Variants in ROBO2 observed in about 807,000 individuals in gnomAD.
ROBO2 encodes the protein roundabout guidance receptor 2, also known as roundabout homolog 2.
A neutral mutation model predicts 160.8 loss-of-function variants in ROBO2; 53 were observed. The observed-to-expected ratio is 0.33, with a 90% confidence interval of 0.26 to 0.41. ROBO2 has a LOEUF of 0.41. ROBO2 is among the 10% of genes least tolerant of loss of function. ROBO2 has a pLI of 1.00. For missense variants in ROBO2, 1,577 were observed against 1,722.4 expected (o/e 0.92, Z 1.49); for synonymous variants, 664 against 611.7 (o/e 1.09, Z -1.26).
At chr3:77,220,877 A>G (rs1232306358) in intron 2 of ROBO2, among the ~76,000 whole-genome samples, 2 of 152,194 alleles carry the variant, frequency 1.3e-5, no homozygotes, top group East Asian at 3.8e-4. Flanking sequence ...GCTATGTTGT[A>G]TAATAGTAGA....
At chr3:76,330,219 G>T (rs2073376705) in intron 2 of ROBO2, among the ~76,000 whole-genome samples, 2 of 152,234 alleles carry the variant, frequency 1.3e-5, no homozygotes, top group South Asian at 4.2e-4. Flanking sequence ...GATTAGCAGG[G>T]GAGATAGAGA....
At chr3:76,772,415 C>T (rs2061962639) in intron 2 of ROBO2, among the ~76,000 whole-genome samples, 1 of 148,390 alleles carries the variant, frequency 6.7e-6, no homozygotes, top group Non-Finnish European at 1.5e-5. Context: ...TATTTATATG[C>T]ACACACACAT....
At chr3:77,389,685 T>C (rs1309929280) in intron 2 of ROBO2, among the ~76,000 whole-genome samples, 1 of 152,168 alleles carries the variant, frequency 6.6e-6, no homozygotes, top group East Asian at 1.9e-4. Flanking sequence ...ATGTCTTTTC[T>C]TCATGTCTTT....
intron 2 of ROBO2, among the ~76,000 whole-genome samples, chr3:77,026,621 T>A (rs997626661): frequency 3.9e-5 from 6 of 152,208 alleles, no homozygotes; most frequent in Admixed American, 6.5e-5. Context: ...CTTCGAAATA[T>A]CTTCTAGCTG....
intron 2 of ROBO2, among the ~76,000 whole-genome samples, chr3:76,878,124 T>C (rs777943532): frequency 1.3e-5 from 2 of 152,154 alleles, no homozygotes; most frequent in Admixed American, 6.6e-5. Flanking sequence ...GTCCATAGCA[T>C]TCCACCCTAT....
At chr3:77,012,316 T>C (rs2061971436) in intron 2 of ROBO2, among the ~76,000 whole-genome samples, 1 of 152,190 alleles carries the variant, frequency 6.6e-6, no homozygotes, top group African/African-American at 2.4e-5. Flanking sequence ...CACGTTTGTC[T>C]TTGGATCTTA....
intron 2 of ROBO2, among the ~76,000 whole-genome samples, chr3:77,202,921 G>T (rs2083051772): frequency 6.6e-6 from 1 of 152,182 alleles, no homozygotes; most frequent in African/African-American, 2.4e-5. Flanking sequence ...CAGAGCTGTG[G>T]TTCCGAACTT....
intron 2 of ROBO2, among the ~76,000 whole-genome samples, chr3:76,551,445 A>C (rs2083414775): frequency 6.6e-6 from 1 of 152,006 alleles, no homozygotes; most frequent in Non-Finnish European, 1.5e-5. Flanking sequence ...CACGTACCTC[A>C]TTCATCCTGG....
chr3:77,383,719 A>G (rs374529618), intron 2 of ROBO2, among the ~76,000 whole-genome samples: 28 of 151,120 alleles, frequency 1.9e-4, no homozygotes, highest in East Asian at 1.2e-3. Context: ...AAAGAGGTTG[A>G]CTAAGTGCCT....
At chr3:76,200,677 C>T (rs1418004809) in intron 2 of ROBO2, among the ~76,000 whole-genome samples, 1 of 152,024 alleles carries the variant, frequency 6.6e-6, no homozygotes, top group African/African-American at 2.4e-5. Flanking sequence ...TACCACCAAG[C>T]ATCTCCACAT....
chr3:76,075,380 G>A (rs6802638), intron 2 of ROBO2, among the ~76,000 whole-genome samples: 93,909 of 150,748 alleles, frequency 0.62, 29,842 homozygotes, highest in African/African-American at 0.74. Context: ...TTCCACATCT[G>A]GGAGTTTCTG....
At chr3:77,024,936 T>C (rs1266833988) in intron 2 of ROBO2, among the ~76,000 whole-genome samples, 1 of 152,030 alleles carries the variant, frequency 6.6e-6, no homozygotes, top group Non-Finnish European at 1.5e-5. Context: ...CCTGACCTTT[T>C]TCTGTTTTGT....
intron 2 of ROBO2, among the ~76,000 whole-genome samples, chr3:77,319,123 T>C (rs2153429653): frequency 6.6e-6 from 1 of 152,292 alleles, no homozygotes; most frequent in South Asian, 2.1e-4. Flanking sequence ...CTTACCATAT[T>C]GACAATATGG....
At chr3:77,008,229 T>G (rs1578213130) in intron 2 of ROBO2, among the ~76,000 whole-genome samples, 1 of 152,214 alleles carries the variant, frequency 6.6e-6, no homozygotes, top group East Asian at 1.9e-4. Flanking sequence ...CCCATTCAAA[T>G]TAAATTAAAT....
chr3:76,293,088 A>C (rs35588760), intron 2 of ROBO2, among the ~76,000 whole-genome samples: 1 of 151,814 alleles, frequency 6.6e-6, no homozygotes, highest in Admixed American at 6.6e-5. Context: ...AAAATTCTGA[A>C]GTATTATAGT....
intron 19 of ROBO2, among the ~76,000 whole-genome samples, chr3:77,599,223 T>A (rs961685381): frequency 1.2e-4 from 15 of 120,944 alleles, no homozygotes; most frequent in African/African-American, 4.4e-4. Context: ...TTCATTTTGC[T>A]TGCATAGTAA....
intron 2 of ROBO2, among the ~76,000 whole-genome samples, chr3:76,929,690 G>A (rs1426392368): frequency 6.6e-6 from 1 of 152,174 alleles, no homozygotes; most frequent in Non-Finnish European, 1.5e-5. Context: ...TCCAGTGTGT[G>A]TGGATCTCAG....
chr3:76,445,991 G>A (rs1374197295), intron 2 of ROBO2, among the ~76,000 whole-genome samples: 1 of 152,108 alleles, frequency 6.6e-6, no homozygotes, highest in Non-Finnish European at 1.5e-5. Context: ...AGACAGGAAT[G>A]CCCTCTCTCA....
At chr3:76,341,562 A>T (rs1249281074) in intron 2 of ROBO2, among the ~76,000 whole-genome samples, 1 of 151,200 alleles carries the variant, frequency 6.6e-6, no homozygotes, top group Non-Finnish European at 1.5e-5. Flanking sequence ...GTTCAACTGG[A>T]TCATTTACAT....
Sources: gnomAD v4.1 joint callset for allele counts (sites outside exome capture counted in the v4.1 genomes callset) on GRCh38, gnomAD v4.1.1 for gene constraint, MANE v1.5 for transcripts, NCBI Gene and HGNC (gene_info 2026-07-23, HGNC 2026-07-21) for gene names.